The following TADA2A variants were observed in gnomAD, a reference collection of about 807,000 sequenced individuals.
TADA2A encodes transcriptional adaptor 2A.
A neutral mutation model predicts 67.4 loss-of-function variants in TADA2A; 38 were observed. The observed-to-expected ratio is 0.56, with a 90% CI of 0.44 to 0.74. TADA2A has a LOEUF of 0.74. Among genes scored for constraint, TADA2A ranks in the 30% least tolerant of loss-of-function variants. TADA2A has a pLI of 0.00. For missense variants in TADA2A, 454 were observed against 547.0 expected (o/e 0.83, Z 1.70); for synonymous variants, 192 against 181.6 (o/e 1.06, Z -0.46).
intron 1 of TADA2A, 65 bp from the exon 2 acceptor site, chr17:37,411,204 T>G (rs1597836847): frequency 1.5e-6 from 1 of 678,164 alleles, no homozygotes; most frequent in East Asian, 2.5e-5. Context: ...ATGTTGCATA[T>G]CTTCTCTTTA....
rs562174090 is a variant in TADA2A at position 37,413,163 on chromosome 17, G to A, written c.25+1773G>A. On this transcript the variant is annotated intron_variant, in intron 2 of 15. Coordinates refer to ENST00000615182, the MANE Select transcript of TADA2A (RefSeq NM_001166105.3). ...GCTGGTCTTGAACTCCTGACCTCAGGTGATCCACCAGCCTTGGCCTCCCAA... is the reference window on the plus strand; with the variant it reads ...GCTGGTCTTGAACTCCTGACCTCAGATGATCCACCAGCCTTGGCCTCCCAA... Among the ~76,000 whole-genome samples, 14 of 152,234 alleles carry A rather than the reference G, an allele frequency of 9.2e-5. No homozygotes were observed. In the East Asian group the frequency reaches 2.7e-3, roughly 29 times the overall value.
chr17:37,468,039 G>A (rs543478569), intron 12 of TADA2A, among the ~76,000 whole-genome samples: 1 of 151,520 alleles, frequency 6.6e-6, no homozygotes, highest in East Asian at 1.9e-4. Flanking sequence ...CCAAGATGGT[G>A]CCACTGTACT....
intron 2 of TADA2A, among the ~76,000 whole-genome samples, chr17:37,418,119 T>C (rs945992801): frequency 6.6e-6 from 1 of 152,276 alleles, no homozygotes; most frequent in East Asian, 1.9e-4. Flanking sequence ...CAAAACAAAA[T>C]ACATTCTCCT....
rs1323421965 is a variant in TADA2A, at chr17:37,473,975, A to C, written c.1073-581A>C. On this transcript the variant is annotated intron_variant, in intron 14 of 15. Coordinates refer to ENST00000615182, the MANE Select transcript of TADA2A (RefSeq NM_001166105.3). Reference sequence around the variant, plus strand: ...AAGGATTAGGGAATGTCTGTTCTGCAGTTATTATTTCCATTCGTCAGCTGT... The same window carrying C: ...AAGGATTAGGGAATGTCTGTTCTGCCGTTATTATTTCCATTCGTCAGCTGT... Among the ~76,000 whole-genome samples, 7 of 152,204 alleles carry C rather than the reference A, an allele frequency of 4.6e-5. No homozygotes were observed. In the East Asian group the frequency reaches 1.3e-3, roughly 29 times the overall value.
intron 8 of TADA2A, among the ~76,000 whole-genome samples, chr17:37,452,625 C>T (rs1214920315): frequency 6.6e-6 from 1 of 152,152 alleles, no homozygotes; most frequent in Non-Finnish European, 1.5e-5. Context: ...TAAAGTGCAT[C>T]TCCACCAGCA....
chr17:37,411,895 A>G (rs2051885042), intron 2 of TADA2A, among the ~76,000 whole-genome samples: 1 of 151,876 alleles, frequency 6.6e-6, no homozygotes, highest in African/African-American at 2.4e-5. Context: ...CATGACACAA[A>G]CATATGACCC....
At chr17:37,469,150 AC>A (rs1339332906) in intron 12 of TADA2A, among the ~76,000 whole-genome samples, 2 of 149,672 alleles carry the variant, frequency 1.3e-5, no homozygotes, top group Non-Finnish European at 3.0e-5. Flanking sequence ...CAGGTGATCC[AC>A]CCACCTCAGC....
chr17:37,424,313 G>A (rs1001536881), intron 3 of TADA2A, among the ~76,000 whole-genome samples: 6 of 151,000 alleles, frequency 4.0e-5, no homozygotes, highest in African/African-American at 7.3e-5. Context: ...GCATGATGGC[G>A]GGTGCCTGTA....
intron 7 of TADA2A, 35 bp downstream of exon 7, chr17:37,442,687 A>G: frequency 6.2e-7 from 1 of 1,600,024 alleles, no homozygotes; most frequent in South Asian, 1.1e-5. Flanking sequence ...AAAGTAGGAA[A>G]AATTCATTTT....
chr17:37,462,338 T>C (rs1375495350), intron 10 of TADA2A, among the ~76,000 whole-genome samples: 1 of 151,996 alleles, frequency 6.6e-6, no homozygotes, highest in Non-Finnish European at 1.5e-5. Flanking sequence ...GTTTAAAGTA[T>C]TAATTTGGGG....
intron 1 of TADA2A, among the ~76,000 whole-genome samples, chr17:37,410,950 C>T (rs2051845961): frequency 6.6e-6 from 1 of 152,110 alleles, no homozygotes; most frequent in East Asian, 1.9e-4. Flanking sequence ...AGCATTTGCC[C>T]CTGCCACCCT....
At chr17:37,431,548 T>G (rs1239738151) in intron 4 of TADA2A, among the ~76,000 whole-genome samples, 1 of 151,740 alleles carries the variant, frequency 6.6e-6, no homozygotes, top group East Asian at 1.9e-4. Context: ...TCTTACTTTA[T>G]CTAAACCATC....
intron 2 of TADA2A, among the ~76,000 whole-genome samples, chr17:37,415,909 A>G (rs12941226): frequency 0.22 from 32,751 of 149,728 alleles, 3,883 homozygotes; most frequent in Middle Eastern, 0.34. Context: ...ATATTCCCAC[A>G]GCCTGACTAA....
Position 37,415,177 on chromosome 17 carries a change from T to C in TADA2A, c.25+3787T>C, listed in dbSNP as rs55965324. 3.7e-3 allele frequency among the ~76,000 whole-genome samples: 570 copies of C among 152,256 alleles called. 4 individuals carry two copies. The highest frequency in any genetic ancestry group is 0.013 in the African/African-American group (549 of 41,554). ...GATTACAGGCACAAGCCACCGTGCC[T>C]GGCCTCTAATTTCTTATAGGAAAGA... On this transcript the variant is annotated intron_variant, in intron 2 of 15. Coordinates refer to ENST00000615182, the MANE Select transcript of TADA2A (RefSeq NM_001166105.3).
In TADA2A at chr17:37,437,787, T is replaced by G. The variant is rs369092308; in HGVS notation, c.242T>G (p.Met81Arg). ...CCCAGCTGGACTGCTCAAGAAGAAA[T>G]GGCCCTTTTAGAAGCTGTGATGGAC... The part of the protein sequence containing the change: ...LDPSWTAQEE[M>R]ALLEAVMDCG... The change falls in exon 5 of 16, where the codon ATG (methionine) becomes AGG (arginine). Residue 81 changes from methionine (M) to arginine (R), a missense_variant. By Grantham distance (91) the Met-to-Arg change is moderately conservative (BLOSUM62 -1). Around this residue, in one of 2 missense-constraint regions of TADA2A, gnomAD observed 403 missense variants for 455.5 expected, o/e 0.88. Transcript: ENST00000615182. 3 of 1,614,074 alleles carry G rather than the reference T, an allele frequency of 1.9e-6. No individual in the cohort carries two copies. In the African/African-American group the frequency reaches 4.0e-5, roughly 22 times the overall value.
chr17:37,412,075 G>A (rs1049854994), intron 2 of TADA2A, among the ~76,000 whole-genome samples: 1 of 151,890 alleles, frequency 6.6e-6, no homozygotes, highest in Non-Finnish European at 1.5e-5. Flanking sequence ...GCCAGGCATG[G>A]TGGCAGGCGC....
At chr17:37,410,918 C>T (rs912418017) in intron 1 of TADA2A, among the ~76,000 whole-genome samples, 9 of 152,172 alleles carry the variant, frequency 5.9e-5, no homozygotes, top group South Asian at 2.1e-4. Flanking sequence ...AGAAAGCCAA[C>T]AGTTGTTTAT....
chr17:37,451,722 G>A (rs532555621), intron 8 of TADA2A, among the ~76,000 whole-genome samples: 2 of 152,090 alleles, frequency 1.3e-5, no homozygotes, highest in South Asian at 4.2e-4. Context: ...AGTGGCTCAT[G>A]CCTGTAATCC....
rs775580873 is a variant in TADA2A, at chr17:37,440,553, GA to G, written c.335del (p.Lys112SerfsTer4). On this transcript the variant is annotated frameshift_variant, in exon 6 of 16. Transcript: ENST00000615182. LOFTEE classifies it high-confidence loss of function. ...GCACCAAGACCAAGGAGGAGTGTGA[GA>G]AGCACTATATGAAGCATTTCATCAA... is the stretch of plus-strand genomic sequence containing the variant. ...MCTKTKEECE[K>X]HYMKHFINNP... 1 of 1,614,010 alleles carries G rather than the reference GA, an allele frequency of 6.2e-7. No homozygotes were observed. The highest frequency in any genetic ancestry group is 1.7e-5 in the Admixed American group (1 of 59,988).
Sources: gnomAD v4.1 joint callset for allele counts (sites outside exome capture counted in the v4.1 genomes callset) on GRCh38, gnomAD v4.1.1 for gene constraint, gnomAD v4.1.1 regional missense constraint, MANE v1.5 for transcripts, NCBI Gene and HGNC (gene_info 2026-07-23, HGNC 2026-07-21) for gene names.